Variants in PLAAT3 observed in about 807,000 individuals in gnomAD.
PLAAT3 encodes phospholipase A and acyltransferase 3.
In PLAAT3, 21 loss-of-function variants were observed where a neutral mutation model predicts 16.7. The observed-to-expected ratio is 1.26, with a 90% CI of 0.89 to 1.81. The LOEUF is 1.81. Among genes scored for constraint, PLAAT3 ranks in the 40% most tolerant of loss-of-function variants. The pLI is 0.00. For missense variants in PLAAT3, 219 were observed against 213.7 expected, an observed-to-expected ratio of 1.02 and a Z score of -0.16; for synonymous variants, 76 against 81.7, an observed-to-expected ratio of 0.93 and a Z score of 0.38.
chr11:63,584,585 C>T (rs544784343), intron 4 of PLAAT3, among the ~76,000 whole-genome samples: 1 of 149,870 alleles, frequency 6.7e-6, no homozygotes, highest in Non-Finnish European at 1.5e-5. Flanking sequence ...GCAATCTCGG[C>T]TCACTGCAAG....
intron 4 of PLAAT3, among the ~76,000 whole-genome samples, chr11:63,585,415 G>A (rs1038414003): frequency 3.9e-5 from 6 of 151,994 alleles, no homozygotes; most frequent in Admixed American, 1.3e-4. Context: ...TTTTCCCTGT[G>A]GGGGGAATTG....
chr11:63,599,361 C>T (rs961514322), intron 2 of PLAAT3, among the ~76,000 whole-genome samples: 17 of 152,242 alleles, frequency 1.1e-4, no homozygotes, highest in Admixed American at 9.8e-4. Context: ...CCACATCTCG[C>T]CAGCAAGCTT....
chr11:63,583,384 C>A (rs182588160), intron 4 of PLAAT3, among the ~76,000 whole-genome samples: 2 of 152,266 alleles, frequency 1.3e-5, no homozygotes, highest in African/African-American at 2.4e-5. Context: ...GGAGGAGGAA[C>A]AATATGTCCC....
At chr11:63,600,688 C>T (rs1458107219) in intron 2 of PLAAT3, among the ~76,000 whole-genome samples, 6 of 151,898 alleles carry the variant, frequency 4.0e-5, no homozygotes, top group Non-Finnish European at 7.4e-5. Context: ...CTGCAACCTC[C>T]ACCTCCCGGG....
At chr11:63,607,573 A>G (rs1938598551) in intron 2 of PLAAT3, among the ~76,000 whole-genome samples, 1 of 152,016 alleles carries the variant, frequency 6.6e-6, no homozygotes, top group Non-Finnish European at 1.5e-5. Context: ...GATGTCAAAG[A>G]GAGCACCTGA....
In PLAAT3 at chr11:63,577,220, A is replaced by G. The variant is rs181525498; in HGVS notation, c.388-2174T>C. On this transcript the variant is annotated intron_variant, in intron 4 of 4. Transcript: ENST00000415826. ...GGAGTTTGCTCTTGTTGCCCAGGCT[A>G]GAGTGCAATGGCGCAATCTTAGCTC... is the stretch of plus-strand genomic sequence containing the variant. 5.1e-3 allele frequency among the ~76,000 whole-genome samples: 771 copies of G among 151,000 alleles called. 2 individuals carry two copies. Among genetic ancestry groups the G allele is most frequent in the Middle Eastern group, 0.014 (4 of 294 alleles).
chr11:63,609,041 T>C (rs551175867), intron 2 of PLAAT3, among the ~76,000 whole-genome samples: 1 of 152,320 alleles, frequency 6.6e-6, no homozygotes, highest in East Asian at 1.9e-4. Flanking sequence ...ACTGCCACCG[T>C]TCCCCAGGAT....
chr11:63,594,353 G>A (rs762082108), intron 3 of PLAAT3, among the ~76,000 whole-genome samples: 1 of 152,120 alleles, frequency 6.6e-6, no homozygotes, highest in African/African-American at 2.4e-5. Flanking sequence ...ATCTGAGCTC[G>A]ATTTAGGGAA....
Position 63,590,230 on chromosome 11 carries a change from G to A in PLAAT3, c.257C>T (p.Pro86Leu), listed in dbSNP as rs868101877. ...CTGGATGATTTTGCTGCAGGGCAGC[G>A]GCGAGTACTTGTCATCATGTTTGTT... ...VNNKHDDKYSPLPCSKIIQRA... is the reference protein window; with the variant it reads ...VNNKHDDKYSLLPCSKIIQRA... The change falls in exon 4 of 5, where the codon CCG becomes CTG. Residue 86 changes from proline to leucine, a missense_variant. By Grantham distance (98) the Pro-to-Leu change is moderately conservative (BLOSUM62 -3). Coordinates refer to ENST00000415826, the MANE Select transcript of PLAAT3 (RefSeq NM_001128203.2). 5.2e-5 allele frequency: 84 copies of A among 1,614,108 alleles called. No individual in the cohort carries two copies. The highest frequency in any genetic ancestry group is 6.8e-5 in the Non-Finnish European group (80 of 1,180,046).
chr11:63,591,384 GA>G (rs953798270), intron 3 of PLAAT3, among the ~76,000 whole-genome samples: 12 of 151,794 alleles, frequency 7.9e-5, no homozygotes, highest in African/African-American at 2.7e-4. Flanking sequence ...CTTGCCTTAG[GA>G]AAAAAAGAAA....
At chr11:63,615,086 A>G (rs77800024), upstream of PLAAT3, among the ~76,000 whole-genome samples, 3,635 of 20,116 alleles carry the variant, frequency 0.18, 1,269 homozygotes, top group Non-Finnish European at 0.47. Context: ...GTGTGTATAT[A>G]TGTGTATATA....
intron 2 of PLAAT3, among the ~76,000 whole-genome samples, chr11:63,608,871 C>A (rs1023116451): frequency 1.3e-5 from 2 of 152,174 alleles, no homozygotes; most frequent in Admixed American, 6.6e-5. Flanking sequence ...GGCCAAGTTA[C>A]CTAATTACTC....
intron 4 of PLAAT3, among the ~76,000 whole-genome samples, chr11:63,588,039 C>A (rs1438039340): frequency 1.3e-5 from 2 of 151,764 alleles, no homozygotes; most frequent in Non-Finnish European, 2.9e-5. Context: ...CAGAGTGAGA[C>A]CTCATCTCTA....
At chr11:63,577,991 A>G (rs1366192656) in intron 4 of PLAAT3, among the ~76,000 whole-genome samples, 1 of 152,198 alleles carries the variant, frequency 6.6e-6, no homozygotes, top group Non-Finnish European at 1.5e-5. Flanking sequence ...AATAAAAAAC[A>G]GAACAATCCG....
In PLAAT3 at chr11:63,574,563, T is replaced by C. The variant is rs1392812516; in HGVS notation, c.*382A>G. On this transcript the variant is annotated 3_prime_UTR_variant, in exon 5 of 5. Coordinates refer to ENST00000415826, the MANE Select transcript of PLAAT3 (RefSeq NM_001128203.2). ...CGGGCCAAGGGTCCTGGCTGTCTGC[T>C]GCTTTCTGTTCTTGTGTATTATGTC... The C allele has an allele frequency of 6.0e-6, 1 of 166,438 alleles. No individual in the cohort carries two copies. The highest frequency in any genetic ancestry group is 1.3e-5 in the Non-Finnish European group (1 of 78,306). 10.3% of individuals were successfully genotyped at this position (166,438 alleles called of 1,614,324 possible).
chr11:63,603,571 C>T lies in PLAAT3; in HGVS notation c.16-5408G>A, dbSNP rs112205388. Among the ~76,000 whole-genome samples, 728 of 151,928 alleles carry T rather than the reference C, an allele frequency of 4.8e-3. 7 individuals carry two copies. Among genetic ancestry groups the T allele is most frequent in the African/African-American group, 0.017 (688 of 41,412 alleles). ...CTGTGCAGCAAACCACCATGGCACACTTTTACCTTTGTGACAAACCTGCAC... is the reference window on the plus strand; with the variant it reads ...CTGTGCAGCAAACCACCATGGCACATTTTTACCTTTGTGACAAACCTGCAC... On this transcript the variant is annotated intron_variant, in intron 2 of 4. Transcript: ENST00000415826.
chr11:63,575,041 T>G lies in PLAAT3; in HGVS notation c.393A>C (p.Arg131Ser). 2.5e-6 allele frequency: 4 copies of G among 1,606,554 alleles called. No individual in the cohort carries two copies. Among genetic ancestry groups the G allele is most frequent in the Non-Finnish European group, 3.4e-6 (4 of 1,173,200 alleles). ...RYGVARSDQVRDVIIAASVAG... is the reference protein window; with the variant it reads ...RYGVARSDQVSDVIIAASVAG... ...CAACGCTTGCAGCGATGATGACATC[T>G]CTGACCTGCAACAAAGAAGAGGGTG... is the stretch of plus-strand genomic sequence containing the variant. The change falls in exon 5 of 5, where the codon AGA (arginine) becomes AGC (serine). Residue 131 changes from arginine to serine, a missense_variant. Arg to Ser is a moderately radical substitution (Grantham distance 110, BLOSUM62 -1). Coordinates refer to ENST00000415826, the MANE Select transcript of PLAAT3 (RefSeq NM_001128203.2).
intron 3 of PLAAT3, among the ~76,000 whole-genome samples, chr11:63,590,943 A>G (rs915239926): frequency 6.6e-6 from 1 of 152,230 alleles, no homozygotes; most frequent in Admixed American, 6.5e-5. Context: ...AAATGAAATG[A>G]TCTTGAAGAC....
chr11:63,607,026 G>A (rs569939187), intron 2 of PLAAT3, among the ~76,000 whole-genome samples: 5 of 152,140 alleles, frequency 3.3e-5, no homozygotes, highest in Non-Finnish European at 5.9e-5. Context: ...CTGCAGAGAG[G>A]GGGGATCTGG....
Sources: gnomAD v4.1 joint callset for allele counts (sites outside exome capture counted in the v4.1 genomes callset) on GRCh38, gnomAD v4.1.1 for gene constraint, MANE v1.5 for transcripts, NCBI Gene and HGNC (gene_info 2026-07-23, HGNC 2026-07-21) for gene names.